C5: variants seen among roughly 807,000 people sequenced by gnomAD.
C5 encodes the protein complement C5.
A neutral mutation model predicts 218.8 loss-of-function variants in C5; 140 were observed. The ratio of observed to expected loss-of-function variants is 0.64; its 90% CI spans 0.56 to 0.74. The LOEUF (loss-of-function observed/expected upper bound fraction) is 0.74. Among genes scored for constraint, C5 ranks in the 30% least tolerant of loss-of-function variants. C5 has a pLI of 0.00. For missense variants in C5, 1,700 were observed against 1,969.6 expected, an observed-to-expected ratio of 0.86 and a Z score of 2.59; for synonymous variants, 614 against 682.3, an observed-to-expected ratio of 0.90 and a Z score of 1.56.
intron 28 of C5, 139 bp from the exon 29 acceptor site, chr9:120,977,044 C>A: frequency 1.4e-6 from 1 of 719,418 alleles, no homozygotes; most frequent in Non-Finnish European, 2.4e-6. Context: ...TGAAGATGAC[C>A]AATGCAAAAC....
chr9:121,061,040 T>C, the C5 span, among the ~76,000 whole-genome samples: 1 of 151,902 alleles, frequency 6.6e-6, no homozygotes, highest in South Asian at 2.1e-4. Flanking sequence ...ATACAAAAAT[T>C]AGCTGGGTGT....
At chr9:121,048,091 C>A (rs1312191813) in intron 1 of C5, among the ~76,000 whole-genome samples, 1 of 151,968 alleles carries the variant, frequency 6.6e-6, no homozygotes, top group Admixed American at 6.6e-5. Flanking sequence ...CAGCCCGTTT[C>A]CAGAATTAAC....
intron 30 of C5, among the ~76,000 whole-genome samples, chr9:120,973,116 T>C (rs907882889): frequency 1.3e-5 from 2 of 152,186 alleles, no homozygotes; most frequent in African/African-American, 4.8e-5. Flanking sequence ...CTCAACCACC[T>C]AACACTCTTT....
intron 20 of C5, among the ~76,000 whole-genome samples, chr9:121,002,175 TATATGTAG>T (rs1388193384): frequency 4.1e-5 from 6 of 144,794 alleles, no homozygotes; most frequent in Non-Finnish European, 9.0e-5. Context: ...CATATATGTA[TATATGTAG>T]ATATGTACAT....
the C5 span, chr9:121,074,698 CGG>C: frequency 2.4e-6 from 1 of 420,352 alleles, no homozygotes; most frequent in Non-Finnish European, 4.8e-6. Flanking sequence ...CACAGCACTG[CGG>C]GCAGCTGCCG....
chr9:121,047,894 C>T (rs1263755611), intron 1 of C5, among the ~76,000 whole-genome samples: 1 of 152,056 alleles, frequency 6.6e-6, no homozygotes, highest in East Asian at 1.9e-4. Flanking sequence ...AAATTTTGCC[C>T]TGTGATAAGG....
chr9:121,058,906 T>G, the C5 span, among the ~76,000 whole-genome samples: 3 of 152,242 alleles, frequency 2.0e-5, no homozygotes, highest in Non-Finnish European at 4.4e-5. Flanking sequence ...GGCTTATGTC[T>G]GGTTCTCCCT....
intron 36 of C5, 47 bp downstream of exon 36, chr9:120,962,624 G>T: frequency 2.2e-6 from 3 of 1,367,172 alleles, no homozygotes; most frequent in African/African-American, 1.4e-5. Context: ...GTTCTGGAAA[G>T]AATACAAAGT....
intron 22 of C5, among the ~76,000 whole-genome samples, chr9:120,994,358 G>A (rs1406131636): frequency 6.6e-6 from 1 of 152,092 alleles, no homozygotes; most frequent in Non-Finnish European, 1.5e-5. Context: ...CAAGGCTGGT[G>A]GGTCACTTGA....
In C5 at chr9:120,969,109, T is replaced by G; in HGVS notation, c.4172A>C (p.Tyr1391Ser). 6.2e-7 allele frequency: 1 copy of G among 1,613,860 alleles called. No individual in the cohort carries two copies. Among genetic ancestry groups the G allele is most frequent in the Non-Finnish European group, 8.5e-7 (1 of 1,179,742 alleles). Residue 1391 changes from tyrosine to serine, a missense_variant, in exon 33 of 41, where the codon TAC becomes TCC. By Grantham distance (144) the Tyr-to-Ser change is moderately radical. Transcript: ENST00000223642. ...IDTQDIEASHYRGYGNSDYKR... is the reference protein window; with the variant it reads ...IDTQDIEASHSRGYGNSDYKR... ...GTAATCAGAGTTTCCGTAGCCTCTG[T>G]AGTGGGATGCTGGCACATAAGACAA...
chr9:120,973,823 C>G (rs1247077467), intron 30 of C5, among the ~76,000 whole-genome samples: 1 of 151,976 alleles, frequency 6.6e-6, no homozygotes. Context: ...ACCAAAAATA[C>G]AAAAAATGAG....
chr9:120,982,290 G>A (rs531927399), intron 26 of C5, among the ~76,000 whole-genome samples: 11 of 152,272 alleles, frequency 7.2e-5, no homozygotes, highest in African/African-American at 1.9e-4. Context: ...AATTACAGGC[G>A]TGAGCCACCG....
intron 1 of C5, among the ~76,000 whole-genome samples, chr9:121,046,680 C>A (rs2047630477): frequency 6.6e-6 from 1 of 152,044 alleles, no homozygotes; most frequent in Non-Finnish European, 1.5e-5. Context: ...TCATGTTGAC[C>A]AGAACATGTA....
chr9:120,978,359 C>A (rs1356365946), intron 28 of C5, among the ~76,000 whole-genome samples: 1 of 152,036 alleles, frequency 6.6e-6, no homozygotes, highest in Non-Finnish European at 1.5e-5. Flanking sequence ...ATGATATTGA[C>A]CCTTCCTCTC....
At position 121,023,463 on chromosome 9, in the gene C5, T is replaced by G. The variant is rs1426919213; in HGVS notation, c.1057A>C (p.Lys353Gln). The change falls in exon 10 of 41, where the codon AAA (lysine) becomes CAA (glutamine). Residue 353 changes from lysine (K) to glutamine (Q), a missense_variant. Coordinates refer to ENST00000223642, the MANE Select transcript of C5 (RefSeq NM_001735.3). Reference protein sequence around the residue: ...PGIKYVLSPYKLNLVATPLFL... With the variant: ...PGIKYVLSPYQLNLVATPLFL... ...AGAGGAGTAGCAACCAAATTCAGTT[T>G]GTAGGGAGAGAGGACATATTTGATG... 1 of 1,614,104 alleles carries G rather than the reference T, an allele frequency of 6.2e-7. No homozygotes were observed.
At chr9:120,989,369 C>T (rs963482392) in intron 24 of C5, among the ~76,000 whole-genome samples, 199 bp downstream of exon 24, 1 of 152,120 alleles carries the variant, frequency 6.6e-6, no homozygotes, top group Admixed American at 6.5e-5. Flanking sequence ...AGGTGCCTTG[C>T]CTCTCATTCA....
intron 31 of C5, among the ~76,000 whole-genome samples, chr9:120,970,648 T>C (rs890265821): frequency 5.9e-5 from 9 of 152,184 alleles, no homozygotes; most frequent in African/African-American, 9.7e-5. Context: ...CAACAAATTA[T>C]AGGTGTGTAT....
intron 7 of C5, 149 bp downstream of exon 7, chr9:121,030,248 A>C: frequency 1.8e-6 from 1 of 566,000 alleles, no homozygotes; most frequent in South Asian, 2.3e-5. Flanking sequence ...ATGAACTACC[A>C]GCATGATGTC....
intron 26 of C5, 51 bp from the exon 27 acceptor site, chr9:120,981,990 G>A (rs373876561): frequency 3.2e-5 from 38 of 1,169,482 alleles, no homozygotes; most frequent in Middle Eastern, 4.0e-4. Flanking sequence ...TCTTTAAGGC[G>A]AAATGACCTG....
Sources: allele counts gnomAD v4.1 joint callset (sites outside exome capture counted in the v4.1 genomes callset), GRCh38; gene constraint gnomAD v4.1.1; transcripts MANE v1.5; gene names NCBI Gene and HGNC (gene_info 2026-07-23, HGNC 2026-07-21).